GAB2: variants seen among roughly 807,000 people sequenced by gnomAD.
GAB2 encodes GRB2 associated binding protein 2, also known as GRB2-associated-binding protein 2.
In GAB2, 26 loss-of-function variants were observed where a neutral mutation model predicts 65.5. That is an observed-to-expected ratio of 0.40 (90% CI 0.29 to 0.55). GAB2 has a LOEUF of 0.55. Ranked by LOEUF, GAB2 falls within the 20% of genes least tolerant of loss-of-function variation. The pLI is 0.53. For missense variants in GAB2, 884 were observed against 875.8 expected (o/e 1.01, Z -0.12); for synonymous variants, 321 against 329.6 (o/e 0.97, Z 0.28).
chr11:78,258,050 C>T (rs1473762080), intron 2 of GAB2, among the ~76,000 whole-genome samples: 1 of 152,162 alleles, frequency 6.6e-6, no homozygotes, highest in Non-Finnish European at 1.5e-5. Flanking sequence ...CTACCGCCTA[C>T]TGGCTGAGTG....
intron 1 of GAB2, among the ~76,000 whole-genome samples, chr11:78,292,146 G>C (rs1377404834): frequency 6.6e-6 from 1 of 152,106 alleles, no homozygotes; most frequent in Non-Finnish European, 1.5e-5. Flanking sequence ...TTAAATTATA[G>C]GTATCACCCA....
At chr11:78,221,179 T>A (rs1310209589) in intron 8 of GAB2, among the ~76,000 whole-genome samples, 1 of 152,212 alleles carries the variant, frequency 6.6e-6, no homozygotes, top group Admixed American at 6.5e-5. Flanking sequence ...GCTTTACTGG[T>A]TGGTTAATTC....
At position 78,407,646 on chromosome 11, in the gene GAB2, AAAGAAAGAAAGT is replaced by A. The variant is rs1391532730; in HGVS notation, c.75+9988_75+9999del. 6.9e-4 allele frequency among the ~76,000 whole-genome samples: 88 copies of A among 127,650 alleles called. No homozygotes were observed. The South Asian group carries it at 0.017, about 25-fold the overall frequency. 83.7% of individuals were successfully genotyped at this position (127,650 alleles called of 152,430 possible). The stretch of plus-strand genomic sequence containing the variant: ...GAAACTCCTTCTCAAAGAAAGAAAG[AAAGAAAGAAAGT>A]AAGAAAGAAAGAAAGAAAGAAAGAA... On this transcript the variant is annotated intron_variant, in intron 1 of 9. Coordinates refer to ENST00000361507, the MANE Select transcript of GAB2 (RefSeq NM_080491.3).
intron 3 of GAB2, among the ~76,000 whole-genome samples, chr11:78,245,325 G>GA (rs140667637): frequency 0.16 from 23,733 of 151,912 alleles, 2,388 homozygotes; most frequent in East Asian, 0.4. Flanking sequence ...TTTTTGAAAA[G>GA]AAAAAATCAT....
chr11:78,360,617 G>A (rs1856422110), intron 1 of GAB2, among the ~76,000 whole-genome samples: 1 of 151,988 alleles, frequency 6.6e-6, no homozygotes, highest in Non-Finnish European at 1.5e-5. Context: ...CAGCACTTTG[G>A]GAGGCTGAGG....
intron 2 of GAB2, among the ~76,000 whole-genome samples, chr11:78,269,686 T>C (rs773534252): frequency 2.0e-5 from 3 of 152,220 alleles, no homozygotes; most frequent in Non-Finnish European, 4.4e-5. Context: ...AGTGTTGACT[T>C]ACTCGGGAAA....
chr11:78,398,940 T>C (rs958384491), intron 1 of GAB2, among the ~76,000 whole-genome samples: 7 of 152,356 alleles, frequency 4.6e-5, no homozygotes, highest in East Asian at 1.9e-4. Context: ...TGGTTAAAGA[T>C]AGGACAATCT....
intron 3 of GAB2, among the ~76,000 whole-genome samples, chr11:78,237,185 T>C (rs1223341314): frequency 1.3e-5 from 2 of 152,228 alleles, no homozygotes; most frequent in Non-Finnish European, 2.9e-5. Flanking sequence ...TCTAGGTATT[T>C]GTCCAAGAGA....
intron 1 of GAB2, among the ~76,000 whole-genome samples, chr11:78,312,722 C>T (rs954007850): frequency 3.9e-5 from 6 of 152,188 alleles, no homozygotes; most frequent in African/African-American, 1.4e-4. Context: ...AGCCACTGCG[C>T]CTGGCCTATT....
chr11:78,231,903 C>T (rs1252830622), intron 3 of GAB2: 2 of 152,218 alleles, frequency 1.3e-5, no homozygotes, highest in African/African-American at 4.8e-5. Context: ...GTAACTGTCA[C>T]TGGCCATGTT....
intron 1 of GAB2, among the ~76,000 whole-genome samples, chr11:78,390,388 C>T (rs1391897974): frequency 6.6e-6 from 1 of 152,078 alleles, no homozygotes; most frequent in East Asian, 1.9e-4. Context: ...GAGTTTGAGA[C>T]CAGCCTGAGA....
chr11:78,384,847 C>T (rs1369050850), intron 1 of GAB2, among the ~76,000 whole-genome samples: 1 of 152,202 alleles, frequency 6.6e-6, no homozygotes, highest in Non-Finnish European at 1.5e-5. Flanking sequence ...CCTTTCTGAG[C>T]ACAAAAGCAC....
chr11:78,266,535 G>A (rs1267599829), intron 2 of GAB2, among the ~76,000 whole-genome samples: 6 of 152,140 alleles, frequency 3.9e-5, no homozygotes, highest in African/African-American at 1.4e-4. Context: ...GCCAGATGGG[G>A]GCTTGATGTT....
chr11:78,253,172 A>G (rs1302977363), intron 2 of GAB2, among the ~76,000 whole-genome samples: 1 of 151,762 alleles, frequency 6.6e-6, no homozygotes, highest in Non-Finnish European at 1.5e-5. Flanking sequence ...CATGACGCCC[A>G]GCTAATTTTT....
At chr11:78,337,218 G>T (rs556301736) in intron 1 of GAB2, among the ~76,000 whole-genome samples, 2 of 152,186 alleles carry the variant, frequency 1.3e-5, no homozygotes, top group African/African-American at 4.8e-5. Context: ...GCTTCTCAGC[G>T]TAGATTTCAG....
At chr11:78,239,081 G>T (rs1237552691) in intron 3 of GAB2, among the ~76,000 whole-genome samples, 1 of 150,704 alleles carries the variant, frequency 6.6e-6, no homozygotes, top group Non-Finnish European at 1.5e-5. Flanking sequence ...ATACCACATT[G>T]CACCCATTTC....
At chr11:78,280,217 A>T (rs563871142) in intron 2 of GAB2, among the ~76,000 whole-genome samples, 2 of 152,314 alleles carry the variant, frequency 1.3e-5, no homozygotes, top group Admixed American at 6.5e-5. Context: ...GCTAGGACAG[A>T]CAGAGATGAA....
intron 1 of GAB2, among the ~76,000 whole-genome samples, chr11:78,359,651 T>C (rs549686657): frequency 1.3e-5 from 2 of 152,218 alleles, no homozygotes; most frequent in East Asian, 3.9e-4. Context: ...GATAAATACA[T>C]GGGAAATCTG....
intron 1 of GAB2, among the ~76,000 whole-genome samples, chr11:78,366,308 A>G (rs1856496188): frequency 6.6e-6 from 1 of 152,178 alleles, no homozygotes; most frequent in Admixed American, 6.6e-5. Flanking sequence ...GGCTGGGCAC[A>G]GTGGCTCACG....
Sources: gnomAD v4.1 joint callset for allele counts (sites outside exome capture counted in the v4.1 genomes callset) on GRCh38, gnomAD v4.1.1 for gene constraint, MANE v1.5 for transcripts, NCBI Gene and HGNC (gene_info 2026-07-23, HGNC 2026-07-21) for gene names.